The following MIA2 variants were observed in gnomAD, a reference collection of about 807,000 sequenced individuals.
MIA2 encodes the protein melanoma inhibitory activity protein 2.
MIA2 carries 127 observed loss-of-function variants against 167.8 expected under a neutral mutation model. The ratio of observed to expected loss-of-function variants is 0.76; its 90% CI spans 0.66 to 0.88. The LOEUF (loss-of-function observed/expected upper bound fraction) is 0.88. MIA2 is among the 40% of genes least tolerant of loss of function. MIA2 has a pLI of 0.00. For synonymous variants in MIA2, 552 were observed against 541.9 expected (o/e 1.02, Z -0.26); for missense variants, 1,690 against 1,624.7 (o/e 1.04, Z -0.69).
chr14:39,276,105 T>G (rs912247700), intron 6 of MIA2: 5 of 152,354 alleles, frequency 3.3e-5, no homozygotes, highest in Admixed American at 6.5e-5. Flanking sequence ...TCCCCTTACC[T>G]TTCCCCTTTT....
At chr14:39,238,758 C>G (rs1173306754) in intron 2 of MIA2, among the ~76,000 whole-genome samples, 1 of 112,478 alleles carries the variant, frequency 8.9e-6, no homozygotes, top group African/African-American at 3.5e-5. Context: ...TGTACCACTG[C>G]ACTCCAGCCT....
At chr14:39,342,258 A>C (rs1020040238) in intron 25 of MIA2, among the ~76,000 whole-genome samples, 1 of 148,572 alleles carries the variant, frequency 6.7e-6, no homozygotes. Context: ...GAGAACATGC[A>C]GTGTTTGGTT....
rs1294880831 is a variant in MIA2, at chr14:39,237,235, C to A, written c.249+180C>A. 4 of 695,478 alleles carry A rather than the reference C, an allele frequency of 5.8e-6. No homozygotes were observed. The South Asian group carries it at 6.2e-5, about 11-fold the overall frequency. 43.1% of individuals were successfully genotyped at this position (695,478 alleles called of 1,614,324 possible). ...TTCCAACTCCTGAGCTCAAGCCATCCTCCCACCTCAGCCTCCTGAGTAGCT... is the reference window on the plus strand; with the variant it reads ...TTCCAACTCCTGAGCTCAAGCCATCATCCCACCTCAGCCTCCTGAGTAGCT... On this transcript the variant is annotated intron_variant, in intron 2 of 28. Coordinates refer to ENST00000640607, the MANE Select transcript of MIA2 (RefSeq NM_001329214.4).
intron 9 of MIA2, among the ~76,000 whole-genome samples, chr14:39,284,896 G>A (rs1221154590): frequency 3.3e-5 from 5 of 151,980 alleles, no homozygotes; most frequent in Non-Finnish European, 7.4e-5. Context: ...AGGACCCTGC[G>A]GTCTTCCGCA....
intron 7 of MIA2, among the ~76,000 whole-genome samples, chr14:39,278,217 G>T (rs1486875044): frequency 2.0e-5 from 3 of 152,072 alleles, no homozygotes; most frequent in Admixed American, 2.0e-4. Context: ...GCCTGCCTTG[G>T]TCTCCCAAAG....
At chr14:39,353,955 A>C (rs1375009154), downstream of MIA2, among the ~76,000 whole-genome samples, 1 of 152,222 alleles carries the variant, frequency 6.6e-6, no homozygotes, top group Non-Finnish European at 1.5e-5. Context: ...TTCTTAATCC[A>C]GTCTATCATT....
Position 39,299,794 on chromosome 14 carries a change from A to G in MIA2, c.2497-70A>G, listed in dbSNP as rs2062100997. 9 of 1,507,422 alleles carry G rather than the reference A, an allele frequency of 6.0e-6. No individual in the cohort carries two copies. In the East Asian group the frequency reaches 2.1e-4, roughly 36 times the overall value. The allele number at this position is 1,507,422 out of a possible 1,614,324, so 93.4% of individuals were successfully genotyped here. On this transcript the variant is annotated intron_variant, in intron 13 of 28. Coordinates refer to ENST00000640607, the MANE Select transcript of MIA2 (RefSeq NM_001329214.4). The stretch of plus-strand genomic sequence containing the variant: ...GTTTTTCTTTTTTAAGTAGCTACAT[A>G]ATGCCTTCTTGGTATCTTTTAATGA...
intron 7 of MIA2, among the ~76,000 whole-genome samples, chr14:39,277,705 TA>T (rs2058272174): frequency 1.6e-4 from 1 of 6,430 alleles, no homozygotes; most frequent in Non-Finnish European, 2.8e-4. Flanking sequence ...TATATATATA[TA>T]TATATATATG....
chr14:39,360,329 A>C (rs1429216723), intron 23 of MIA2, among the ~76,000 whole-genome samples: 2 of 152,208 alleles, frequency 1.3e-5, no homozygotes, highest in South Asian at 4.1e-4. Flanking sequence ...GTAAGATGAT[A>C]TCTCACTGTG....
chr14:39,300,470 A>T (rs904757239), intron 14 of MIA2, among the ~76,000 whole-genome samples: 2 of 152,094 alleles, frequency 1.3e-5, no homozygotes, highest in African/African-American at 4.8e-5. Context: ...GATTTTTAAG[A>T]TTTTTAAAAA....
At chr14:39,301,997 G>T in intron 14 of MIA2, 132 bp from the exon 15 acceptor site, 1 of 1,004,852 alleles carries the variant, frequency 1.0e-6, no homozygotes, top group East Asian at 2.5e-5. Context: ...TTAATAAGAG[G>T]TGGAAAATAA....
chr14:39,246,082 T>TTTTATTTATTTATTTATTTA (rs71130832), intron 3 of MIA2, among the ~76,000 whole-genome samples: 5,472 of 143,306 alleles, frequency 0.038, 153 homozygotes, highest in African/African-American at 0.072. Context: ...TTTTAAAAAT[T>TTTTATTTATTTATTTATTTA]TTTATTTATT....
At chr14:39,288,459 A>ATTTTTTTTTTTTT (rs1566747774) in intron 9 of MIA2, among the ~76,000 whole-genome samples, 7 of 17,282 alleles carry the variant, frequency 4.1e-4, no homozygotes, top group African/African-American at 8.4e-4. Flanking sequence ...ATATATATAT[A>ATTTTTTTTTTTTT]TATATATATA....
intron 13 of MIA2, among the ~76,000 whole-genome samples, chr14:39,298,816 G>C (rs2061916831): frequency 6.7e-6 from 1 of 150,228 alleles, no homozygotes; most frequent in Non-Finnish European, 1.5e-5. Context: ...GGGTGCAGTG[G>C]GTAACACCTG....
At chr14:39,266,654 G>T in intron 6 of MIA2, 4 of 985,610 alleles carry the variant, frequency 4.1e-6, no homozygotes, top group Non-Finnish European at 4.8e-6. Context: ...AGGGCGCACC[G>T]GCGCGTGCCC....
At chr14:39,382,228 G>A (rs2075180167) in intron 23 of MIA2, among the ~76,000 whole-genome samples, 1 of 152,186 alleles carries the variant, frequency 6.6e-6, no homozygotes, top group Non-Finnish European at 1.5e-5. Context: ...AATTTTGGGA[G>A]ATCAGGGATT....
At chr14:39,245,851 C>T (rs2054278557) in intron 3 of MIA2, among the ~76,000 whole-genome samples, 1 of 152,058 alleles carries the variant, frequency 6.6e-6, no homozygotes, top group African/African-American at 2.4e-5. Flanking sequence ...CCTCACCTGT[C>T]AACAATATTG....
intron 9 of MIA2, among the ~76,000 whole-genome samples, chr14:39,282,509 G>A (rs1423983986): frequency 6.6e-6 from 1 of 152,078 alleles, no homozygotes. Context: ...CATGAATGCA[G>A]TACACTATTA....
intron 6 of MIA2, among the ~76,000 whole-genome samples, chr14:39,273,117 C>T (rs1208930560): frequency 1.3e-5 from 2 of 152,040 alleles, no homozygotes; most frequent in African/African-American, 2.4e-5. Context: ...TCTTCCTTTC[C>T]AGTCTGGATG....
Sources: gnomAD v4.1 joint callset for allele counts (sites outside exome capture counted in the v4.1 genomes callset) on GRCh38, gnomAD v4.1.1 for gene constraint, MANE v1.5 for transcripts, NCBI Gene and HGNC (gene_info 2026-07-23, HGNC 2026-07-21) for gene names.